MARCO: variants seen among roughly 807,000 people sequenced by gnomAD.
MARCO encodes macrophage receptor with collagenous structure, also known as macrophage receptor MARCO.
Under a neutral mutation model 70.0 loss-of-function variants are expected in MARCO, and 72 were observed. The observed-to-expected ratio is 1.03, with a 90% CI of 0.85 to 1.25. The LOEUF is 1.25. Ranked by LOEUF, MARCO falls within the 50% of genes most tolerant of loss-of-function variation. MARCO has a pLI of 0.00. For synonymous variants in MARCO, 273 were observed against 243.1 expected (o/e 1.12, Z -1.14); for missense variants, 696 against 659.3 (o/e 1.06, Z -0.61).
intron 7 of MARCO, 69 bp downstream of exon 7, chr2:118,977,584 C>T: frequency 7.3e-7 from 1 of 1,377,696 alleles, no homozygotes; most frequent in Non-Finnish European, 1.0e-6. Context: ...TTCCCCCCCA[C>T]CCCCCATCCT....
At chr2:118,946,118 T>C (rs1409070455) in intron 1 of MARCO, among the ~76,000 whole-genome samples, 1 of 152,080 alleles carries the variant, frequency 6.6e-6, no homozygotes, top group Non-Finnish European at 1.5e-5. Flanking sequence ...CAGAGAAAAT[T>C]GCAAAAAATG....
chr2:118,994,402 G>C lies in MARCO; in HGVS notation c.1445G>C (p.Trp482Ser). ...CTCTATCAAGGCACTGGGCAGATCT[G>C]GCTGGATAATGTTCAGTGTCGGGGC... ...YKVGAGTGQIWLDNVQCRGTE... is the reference protein window; with the variant it reads ...YKVGAGTGQISLDNVQCRGTE... The change falls in exon 17 of 17, where the codon TGG (tryptophan) becomes TCG (serine). Residue 482 changes from tryptophan (W) to serine (S), a missense_variant. Around this residue, in one of 3 missense-constraint regions of MARCO, gnomAD observed 58 missense variants for 62.1 expected, o/e 0.93. Transcript: ENST00000327097. The C allele has an allele frequency of 1.2e-6, 2 of 1,614,166 alleles. No individual in the cohort carries two copies. Among genetic ancestry groups the C allele is most frequent in the South Asian group, 1.1e-5 (1 of 91,084 alleles).
intron 1 of MARCO, among the ~76,000 whole-genome samples, chr2:118,953,955 C>T (rs1375775581): frequency 6.6e-5 from 10 of 152,184 alleles, no homozygotes; most frequent in African/African-American, 2.2e-4. Flanking sequence ...CTGGCTGGCA[C>T]CACAGGAATC....
At chr2:118,986,652 AGAAG>A (rs199975278) in intron 12 of MARCO, among the ~76,000 whole-genome samples, 53 of 48,428 alleles carry the variant, frequency 1.1e-3, no homozygotes, top group Admixed American at 3.6e-3. Context: ...AAAGAAAGAA[AGAAG>A]GAAGGAAGGA....
intron 8 of MARCO, among the ~76,000 whole-genome samples, chr2:118,978,689 A>G (rs534382293): frequency 5.1e-4 from 78 of 152,346 alleles, no homozygotes; most frequent in African/African-American, 1.8e-3. Context: ...TTAGAAAAGA[A>G]TGGTAATTAA....
chr2:118,991,814 G>T lies in MARCO; in HGVS notation c.1146G>T (p.Gly382=), dbSNP rs1008843036. The T allele has an allele frequency of 1.9e-6, 3 of 1,599,776 alleles. No homozygotes were observed. The highest frequency in any genetic ancestry group is 2.6e-6 in the Non-Finnish European group (3 of 1,174,432). Residue 382 remains glycine, a synonymous_variant, in exon 14 of 17, where the codon GGG becomes GGT. Coordinates refer to ENST00000327097, the MANE Select transcript of MARCO (RefSeq NM_006770.4). ...TGAAGGGAGAACAGGGGAGCCCAGG[G>T]CTGGCAGGTCCCAAGGGAGCCCCTG... ...AGVKGEQGSP[G]LAGPKGAPGQ...
At position 118,969,159 on chromosome 2, in the gene MARCO, G is replaced by A. The variant is rs1324806211; in HGVS notation, c.98-1G>A. 1 of 1,611,986 alleles carries A rather than the reference G, an allele frequency of 6.2e-7. No homozygotes were observed. The highest frequency in any genetic ancestry group is 1.7e-5 in the Admixed American group (1 of 60,010). On this transcript the variant is annotated splice_acceptor_variant, in intron 1 of 16. Transcript: ENST00000327097. LOFTEE classifies it high-confidence loss of function. ...CTCCTTCCTCCTGGCTTGTGTTTCA[G>A]TTCCAAAGCCCAAGAGGAGAAATGG...
rs377349184 is a variant in MARCO, at chr2:118,958,158, A to G, written c.98-11002A>G. Among the ~76,000 whole-genome samples, 10 of 152,184 alleles carry G rather than the reference A, an allele frequency of 6.6e-5. No homozygotes were observed. The East Asian group carries it at 1.4e-3, about 21-fold the overall frequency. ...GCTGAAAGTCCTAGCCAGAGCAATC[A>G]GACAAGATTAAAAAAAAAGGGCATC... On this transcript the variant is annotated intron_variant, in intron 1 of 16. Coordinates refer to ENST00000327097, the MANE Select transcript of MARCO (RefSeq NM_006770.4).
At chr2:118,957,030 C>T (rs1679850105) in intron 1 of MARCO, among the ~76,000 whole-genome samples, 1 of 152,010 alleles carries the variant, frequency 6.6e-6, no homozygotes, top group Admixed American at 6.6e-5. Flanking sequence ...TAAAGATCTA[C>T]ATCAAAAAGT....
chr2:118,983,195 G>T (rs1288613851), intron 12 of MARCO, among the ~76,000 whole-genome samples: 2 of 152,200 alleles, frequency 1.3e-5, no homozygotes, highest in Admixed American at 6.5e-5. Flanking sequence ...GGAAGGCAGG[G>T]TTGTGATGTA....
intron 8 of MARCO, among the ~76,000 whole-genome samples, chr2:118,979,437 A>G (rs1051536156): frequency 6.6e-6 from 1 of 152,170 alleles, no homozygotes; most frequent in African/African-American, 2.4e-5. Flanking sequence ...CACCAGGAAC[A>G]TGGTTGGGTG....
chr2:118,976,820 C>A (rs1405082143), intron 6 of MARCO, among the ~76,000 whole-genome samples: 1 of 152,174 alleles, frequency 6.6e-6, no homozygotes, highest in East Asian at 1.9e-4. Flanking sequence ...CACTGCCATG[C>A]AGGACATATT....
intron 12 of MARCO, among the ~76,000 whole-genome samples, chr2:118,988,685 C>T (rs1250759588): frequency 2.0e-5 from 3 of 152,110 alleles, no homozygotes; most frequent in African/African-American, 4.8e-5. Flanking sequence ...CCCATCTTGG[C>T]GTATGCTGTT....
intron 8 of MARCO, among the ~76,000 whole-genome samples, chr2:118,978,266 G>A (rs1405989472): frequency 6.6e-6 from 1 of 152,170 alleles, no homozygotes; most frequent in Non-Finnish European, 1.5e-5. Context: ...CAAGGGCAAG[G>A]GGATTGATTC....
intron 13 of MARCO, 48 bp from the exon 14 acceptor site, chr2:118,991,729 G>A (rs757824297): frequency 8.4e-7 from 1 of 1,185,930 alleles, no homozygotes; most frequent in South Asian, 1.4e-5. Context: ...GGTCTCTCTT[G>A]GGAAGGCAAA....
chr2:118,986,729 A>AGAAAGAAAGAAAGAAAGAAAGG (rs1558672056), intron 12 of MARCO, among the ~76,000 whole-genome samples: 1 of 126,192 alleles, frequency 7.9e-6, no homozygotes, highest in African/African-American at 3.5e-5. Context: ...AAGAAAAGAA[A>AGAAAGAAAGAAAGAAAGAAAGG]GAAAGAAAGA....
rs1373258447 is a variant in MARCO, at chr2:118,977,334, G to C, written c.614-137G>C. The C allele has an allele frequency of 1.3e-5, 9 of 717,730 alleles. No individual in the cohort carries two copies. The East Asian group carries it at 2.1e-4, about 17-fold the overall frequency. 44.5% of individuals were successfully genotyped at this position (717,730 alleles called of 1,614,324 possible). On this transcript the variant is annotated intron_variant, in intron 6 of 16. Coordinates refer to ENST00000327097, the MANE Select transcript of MARCO (RefSeq NM_006770.4). Reference sequence around the variant, plus strand: ...TGTGTGAAAAAGAGAGAGAGAGAGAGAGTGAGAGTGAGAGAGAGAGAAAGA... The same window carrying C: ...TGTGTGAAAAAGAGAGAGAGAGAGACAGTGAGAGTGAGAGAGAGAGAAAGA...
intron 1 of MARCO, among the ~76,000 whole-genome samples, chr2:118,962,780 T>G (rs1308149533): frequency 6.6e-6 from 1 of 152,118 alleles, no homozygotes; most frequent in East Asian, 1.9e-4. Flanking sequence ...AAATTTAGAT[T>G]TATTTAATGA....
chr2:118,964,725 T>G (rs969582508), intron 1 of MARCO, among the ~76,000 whole-genome samples: 1 of 151,880 alleles, frequency 6.6e-6, no homozygotes. Flanking sequence ...CTGTCTCTAC[T>G]AAAAATATAA....
Sources: gnomAD v4.1 joint callset for allele counts (sites outside exome capture counted in the v4.1 genomes callset) on GRCh38, gnomAD v4.1.1 for gene constraint, gnomAD v4.1.1 regional missense constraint, MANE v1.5 for transcripts, NCBI Gene and HGNC (gene_info 2026-07-23, HGNC 2026-07-21) for gene names.